CZIB: variants seen among roughly 807,000 people sequenced by gnomAD.
CZIB encodes the protein CXXC motif containing zinc binding protein.
Under a neutral mutation model 28.3 loss-of-function variants are expected in CZIB, and 26 were observed. The ratio of observed to expected loss-of-function variants is 0.92; its 90% CI spans 0.67 to 1.27. The LOEUF (loss-of-function observed/expected upper bound fraction) is 1.27, where lower values mean the gene tolerates loss of function less well. Ranked by LOEUF, CZIB falls within the 50% of genes most tolerant of loss-of-function variation. CZIB has a pLI of 0.00. For synonymous variants in CZIB, 78 were observed against 71.1 expected (o/e 1.10, Z -0.49); for missense variants, 179 against 197.3 (o/e 0.91, Z 0.56).
At chr1:53,218,357 G>A in intron 4 of CZIB, 57 bp downstream of exon 4, 2 of 1,598,102 alleles carry the variant, frequency 1.3e-6, no homozygotes, top group East Asian at 2.2e-5. Context: ...CTTTCAGCCT[G>A]GTGCCAGGAA....
At chr1:53,220,026 C>G (rs757773167) in intron 2 of CZIB, 6 of 515,612 alleles carry the variant, frequency 1.2e-5, no homozygotes, top group Non-Finnish European at 2.0e-5. Context: ...TGTCCATTTA[C>G]AGACCACGAA....
intron 1 of CZIB, 111 bp from the exon 2 acceptor site, chr1:53,220,455 C>G: frequency 6.3e-7 from 1 of 1,578,856 alleles, no homozygotes. Context: ...CTCCTTCTGC[C>G]TCCTGCTCCT....
Position 53,214,683 on chromosome 1 carries a change from G to T in CZIB, c.459C>A (p.Val153=). Residue 153 remains valine (V), a synonymous_variant, in exon 8 of 8, where the codon GTC becomes GTA. Transcript: ENST00000294360. ...KAQESVGIYE[V]THQFVKC is the part of the protein sequence containing the mutation. Reference sequence around the variant, plus strand: ...ATCAGCACTTCACAAACTGGTGGGTGACCTCATAGATTCCCACAGACTCCT... The same window carrying T: ...ATCAGCACTTCACAAACTGGTGGGTTACCTCATAGATTCCCACAGACTCCT... 6.2e-7 allele frequency: 1 copy of T among 1,614,100 alleles called. No homozygotes were observed. The highest frequency in any genetic ancestry group is 8.5e-7 in the Non-Finnish European group (1 of 1,180,020).
At chr1:53,218,790 G>C (rs1212090315) in intron 3 of CZIB, 77 bp downstream of exon 3, 1 of 1,446,160 alleles carries the variant, frequency 6.9e-7, no homozygotes, top group African/African-American at 1.4e-5. Flanking sequence ...ATGAAGGCCA[G>C]TTTCCCCAAA....
At chr1:53,220,215 G>A (rs376011269) in intron 2 of CZIB, 46 bp downstream of exon 2, 2 of 1,536,904 alleles carry the variant, frequency 1.3e-6, no homozygotes, top group Non-Finnish European at 1.8e-6. Context: ...GTTCAGCACT[G>A]AGATCAGGAC....
intron 7 of CZIB, 112 bp downstream of exon 7, chr1:53,215,879 A>G (rs939144980): frequency 8.8e-7 from 1 of 1,140,384 alleles, no homozygotes; most frequent in Non-Finnish European, 1.3e-6. Flanking sequence ...AAAATCACTA[A>G]CAAAAAGCAC....
At chr1:53,216,738 C>A (rs372617207) in intron 6 of CZIB, 44 bp downstream of exon 6, 1 of 1,556,004 alleles carries the variant, frequency 6.4e-7, no homozygotes, top group African/African-American at 1.4e-5. Context: ...CTTCATACAT[C>A]CCCTCCCCAA....
chr1:53,218,778 A>G, intron 3 of CZIB, 89 bp downstream of exon 3: 1 of 1,313,398 alleles, frequency 7.6e-7, no homozygotes, highest in Non-Finnish European at 1.1e-6. Flanking sequence ...AGAACTGGAG[A>G]GATGAAGGCC....
rs1167572068 is a variant in CZIB, at chr1:53,220,607, C to G, written c.-32G>C. ...CCTCTCCGCCCGGTGCTGGCTGCGG[C>G]CCTTGCCGTTGCTTTCCGGCGCGTC... On this transcript the variant is annotated 5_prime_UTR_variant, in exon 1 of 8. Coordinates refer to ENST00000294360, the MANE Select transcript of CZIB (RefSeq NM_017887.3). The G allele has an allele frequency of 3.1e-6, 5 of 1,593,384 alleles. No individual in the cohort carries two copies. Among genetic ancestry groups the G allele is most frequent in the Non-Finnish European group, 4.2e-6 (5 of 1,176,884 alleles).
Position 53,214,606 on chromosome 1 carries a change from T to TA in CZIB, c.*52dup. ...ACGAGCCTCTGTGGGCTCTGCTGCT[T>TA]AGAGTACTTTGTCCTTTCTCAGTTC... On this transcript the variant is annotated 3_prime_UTR_variant, in exon 8 of 8. Transcript: ENST00000294360. The TA allele has an allele frequency of 2.0e-6, 3 of 1,520,102 alleles. No homozygotes were observed. Among genetic ancestry groups the TA allele is most frequent in the Non-Finnish European group, 2.7e-6 (3 of 1,096,780 alleles). 94.2% of individuals were successfully genotyped at this position (1,520,102 alleles called of 1,614,324 possible).
At position 53,216,022 on chromosome 1, in the gene CZIB, G is replaced by A; in HGVS notation, c.374C>T (p.Thr125Ile). 6.2e-7 allele frequency: 1 copy of A among 1,614,114 alleles called. No individual in the cohort carries two copies. The highest frequency in any genetic ancestry group is 8.5e-7 in the Non-Finnish European group (1 of 1,179,976). Residue 125 changes from threonine to isoleucine, a missense_variant, in exon 7 of 8, where the codon ACA becomes ATA. Thr to Ile is a moderately conservative substitution (Grantham distance 89, BLOSUM62 -1). Transcript: ENST00000294360. ...CTGCAGATTAATGTCACTGAAGGCT[G>A]TCCCTGACTCCACACCTTCAGCAGC... is the stretch of plus-strand genomic sequence containing the variant. ...GFAAEGVESG[T>I]AFSDINLQEK...
intron 2 of CZIB, 168 bp from the exon 3 acceptor site, chr1:53,219,091 G>A: frequency 1.5e-6 from 1 of 653,808 alleles, no homozygotes; most frequent in South Asian, 1.8e-5. Context: ...ACTATCTCTG[G>A]GCAAAGGATA....
chr1:53,220,587 C>A lies in CZIB; in HGVS notation c.-12G>T, dbSNP rs373555523. 2 of 1,597,492 alleles carry A rather than the reference C, an allele frequency of 1.3e-6. No homozygotes were observed. The highest frequency in any genetic ancestry group is 1.3e-5 in the African/African-American group (1 of 74,866). On this transcript the variant is annotated 5_prime_UTR_variant, in exon 1 of 8. Coordinates refer to ENST00000294360, the MANE Select transcript of CZIB (RefSeq NM_017887.3). ...CCCCTCACCCCCATGGTAGCCCTCT[C>A]CGCCCGGTGCTGGCTGCGGCCCTTG...
At position 53,217,997 on chromosome 1, in the gene CZIB, T is replaced by C. The variant is rs879752193; in HGVS notation, c.261+175A>G. On this transcript the variant is annotated intron_variant, in intron 5 of 7. Transcript: ENST00000294360. ...CATAAGAAGGCACTGCAAGAGGCAA[T>C]ATACCAAGCACTCAGTGTACAGTGG... 29 of 698,712 alleles carry C rather than the reference T, an allele frequency of 4.2e-5. No individual in the cohort carries two copies. In the Admixed American group the frequency reaches 7.8e-4, roughly 19 times the overall value. The allele number at this position is 698,712 out of a possible 1,614,324, so 43.3% of individuals were successfully genotyped here. A position where few individuals can be genotyped will look rare whatever the true frequency, so the allele number is the denominator to read the frequency against.
At position 53,220,619 on chromosome 1, in the gene CZIB, C is replaced by A. The variant is rs746365411; in HGVS notation, c.-44G>T. On this transcript the variant is annotated 5_prime_UTR_variant, in exon 1 of 8. Transcript: ENST00000294360. ...GTGCTGGCTGCGGCCCTTGCCGTTG[C>A]TTTCCGGCGCGTCGTAAAAGGCGGG... 1.9e-6 allele frequency: 3 copies of A among 1,590,410 alleles called. No individual in the cohort carries two copies. Among genetic ancestry groups the A allele is most frequent in the Non-Finnish European group, 2.6e-6 (3 of 1,175,370 alleles).
rs776380794 is a variant in CZIB, at chr1:53,214,692, G to C, written c.450C>G (p.Ile150Met). 1.2e-6 allele frequency: 2 copies of C among 1,614,014 alleles called. No individual in the cohort carries two copies. Among genetic ancestry groups the C allele is most frequent in the Non-Finnish European group, 1.7e-6 (2 of 1,180,042 alleles). ...TCACAAACTGGTGGGTGACCTCATA[G>C]ATTCCCACAGACTCCTGGGCCTTTT... ...YDEKAQESVGIYEVTHQFVKC is the reference protein window; with the variant it reads ...YDEKAQESVGMYEVTHQFVKC Residue 150 changes from isoleucine to methionine, a missense_variant, in exon 8 of 8, where the codon ATC (isoleucine) becomes ATG (methionine). Coordinates refer to ENST00000294360, the MANE Select transcript of CZIB (RefSeq NM_017887.3).
chr1:53,215,893 A>AT, intron 7 of CZIB, 98 bp downstream of exon 7: 1 of 1,275,952 alleles, frequency 7.8e-7, no homozygotes, highest in East Asian at 2.3e-5. Context: ...AAAGCACAAA[A>AT]ATACAGAGTT....
At chr1:53,218,113 C>A in intron 5 of CZIB, 59 bp downstream of exon 5, 1 of 1,571,244 alleles carries the variant, frequency 6.4e-7, no homozygotes, top group Non-Finnish European at 8.7e-7. Flanking sequence ...GAACCCAGAC[C>A]TACTAACTCC....
intron 1 of CZIB, 41 bp from the exon 2 acceptor site, chr1:53,220,385 C>A: frequency 6.2e-7 from 1 of 1,600,314 alleles, no homozygotes; most frequent in East Asian, 2.2e-5. Context: ...GCCGTGCCTG[C>A]GCAGCCCCAC....
Sources: gnomAD v4.1 joint callset for allele counts on GRCh38, gnomAD v4.1.1 for gene constraint, MANE v1.5 for transcripts, NCBI Gene and HGNC (gene_info 2026-07-23, HGNC 2026-07-21) for gene names.